Variants in MTHFD1L observed in about 807,000 individuals in gnomAD.
MTHFD1L encodes the protein monofunctional C1-tetrahydrofolate synthase, mitochondrial.
A neutral mutation model predicts 119.5 loss-of-function variants in MTHFD1L; 81 were observed. The observed-to-expected ratio is 0.68, with a 90% confidence interval of 0.57 to 0.82. The LOEUF (loss-of-function observed/expected upper bound fraction) is 0.82. Among genes scored for constraint, MTHFD1L ranks in the 40% least tolerant of loss-of-function variants. The probability of loss-of-function intolerance (pLI) is 0.00; values close to 1 mark genes in which losing one functional copy is unlikely to be tolerated. For synonymous variants in MTHFD1L, 430 were observed against 475.2 expected, an observed-to-expected ratio of 0.90 and a Z score of 1.24; for missense variants, 1,125 against 1,253.4, an observed-to-expected ratio of 0.90 and a Z score of 1.55.
chr6:150,933,387 C>T (rs1279874212), intron 11 of MTHFD1L, among the ~76,000 whole-genome samples: 3 of 151,996 alleles, frequency 2.0e-5, no homozygotes, highest in Non-Finnish European at 4.4e-5. Context: ...ATTGTAATGC[C>T]TGTGGGCTTT....
chr6:150,922,747 G>T (rs535869458), intron 10 of MTHFD1L, among the ~76,000 whole-genome samples: 1 of 148,528 alleles, frequency 6.7e-6, no homozygotes, highest in African/African-American at 2.5e-5. Context: ...AGGTTCAAGC[G>T]ATTCTCCTGC....
intron 8 of MTHFD1L, among the ~76,000 whole-genome samples, chr6:150,909,978 C>T (rs1235040735): frequency 1.3e-5 from 2 of 151,830 alleles, no homozygotes; most frequent in African/African-American, 4.8e-5. Flanking sequence ...GTCAGGAGTT[C>T]GAGACCAGCC....
rs539892064 is a variant in MTHFD1L at position 150,948,041 on chromosome 6, C to G, written c.1624-990C>G. ...TTTTTTTTTGAGACGGAGTTTCACT[C>G]TTGTTGCCCAGGCTGGAGTGCAATG... On this transcript the variant is annotated intron_variant, in intron 15 of 27. Transcript: ENST00000367321. Among the ~76,000 whole-genome samples, 4 of 151,764 alleles carry G rather than the reference C, an allele frequency of 2.6e-5. No homozygotes were observed. The East Asian group carries it at 7.7e-4, about 29-fold the overall frequency.
chr6:151,038,143 G>A (rs1786471104), intron 26 of MTHFD1L, among the ~76,000 whole-genome samples: 1 of 152,162 alleles, frequency 6.6e-6, no homozygotes, highest in Admixed American at 6.5e-5. Context: ...GAGATTTTAG[G>A]ATGAGCAGGT....
chr6:151,007,262 C>T (rs978653166), intron 20 of MTHFD1L, among the ~76,000 whole-genome samples: 5 of 151,940 alleles, frequency 3.3e-5, no homozygotes, highest in South Asian at 2.1e-4. Context: ...CCCAGTGTGC[C>T]GCCCTCCAGC....
At chr6:151,063,141 C>A (rs1790842170) in intron 26 of MTHFD1L, among the ~76,000 whole-genome samples, 1 of 152,172 alleles carries the variant, frequency 6.6e-6, no homozygotes, top group African/African-American at 2.4e-5. Context: ...CCTTGATGCT[C>A]ACTCCAGCCT....
intron 1 of MTHFD1L, among the ~76,000 whole-genome samples, chr6:150,871,405 C>T (rs74763302): frequency 0.093 from 13,961 of 149,944 alleles, 766 homozygotes; most frequent in Middle Eastern, 0.17. Flanking sequence ...AACATTTTAC[C>T]CACAGTAGTA....
intron 7 of MTHFD1L, among the ~76,000 whole-genome samples, chr6:150,904,352 A>G (rs1290815202): frequency 6.6e-6 from 1 of 152,110 alleles, no homozygotes; most frequent in Non-Finnish European, 1.5e-5. Flanking sequence ...CGCAGGAAAG[A>G]CAGTGGGGGA....
intron 24 of MTHFD1L, among the ~76,000 whole-genome samples, chr6:151,021,580 A>G (rs962683149): frequency 2.6e-5 from 4 of 152,100 alleles, no homozygotes; most frequent in Non-Finnish European, 4.4e-5. Flanking sequence ...GTAGTCAATC[A>G]ATGCTGGTTC....
chr6:150,930,624 CTCTGAACACTG>C (rs1790876073), intron 11 of MTHFD1L, among the ~76,000 whole-genome samples: 1 of 151,920 alleles, frequency 6.6e-6, no homozygotes. Context: ...CTGCCTTTTT[CTCTGAACACTG>C]TAACATAAAT....
At chr6:151,040,733 AAC>A (rs1408792544) in intron 26 of MTHFD1L, among the ~76,000 whole-genome samples, 1 of 152,170 alleles carries the variant, frequency 6.6e-6, no homozygotes, top group African/African-American at 2.4e-5. Flanking sequence ...AATAATAAAA[AAC>A]ACAATATAAT....
At chr6:151,056,296 C>T (rs937336228) in intron 26 of MTHFD1L, among the ~76,000 whole-genome samples, 4 of 151,728 alleles carry the variant, frequency 2.6e-5, no homozygotes, top group Non-Finnish European at 5.9e-5. Flanking sequence ...GATTTGGGTA[C>T]ACAGTTTCAC....
intron 25 of MTHFD1L, 38 bp from the exon 26 acceptor site, chr6:151,036,927 T>G: frequency 6.2e-7 from 1 of 1,610,008 alleles, no homozygotes; most frequent in Non-Finnish European, 8.5e-7. Context: ...GAGACTAACA[T>G]CTGTATCAGT....
intron 20 of MTHFD1L, among the ~76,000 whole-genome samples, chr6:150,997,179 A>G (rs955114031): frequency 7.9e-5 from 12 of 152,092 alleles, no homozygotes; most frequent in African/African-American, 2.4e-4. Context: ...CATACTGAGG[A>G]CCAAGACCTG....
chr6:150,994,094 A>AAGAAAGAAAGAAAGAAAG (rs1779482033), intron 20 of MTHFD1L, among the ~76,000 whole-genome samples: 1 of 119,536 alleles, frequency 8.4e-6, no homozygotes, highest in African/African-American at 3.2e-5. Context: ...AGAAAGAAAG[A>AAGAAAGAAAGAAAGAAAG]AAGTGACCCA....
chr6:151,027,366 G>T (rs957324875), intron 24 of MTHFD1L, among the ~76,000 whole-genome samples: 1 of 152,130 alleles, frequency 6.6e-6, no homozygotes, highest in Admixed American at 6.5e-5. Context: ...ATGCCCTGAC[G>T]TCTTGAAAGG....
At chr6:151,056,500 C>T (rs1450379949) in intron 26 of MTHFD1L, among the ~76,000 whole-genome samples, 5 of 152,188 alleles carry the variant, frequency 3.3e-5, no homozygotes, top group Non-Finnish European at 7.3e-5. Context: ...TGCAGTCTGT[C>T]CATTCCTCTG....
intron 20 of MTHFD1L, among the ~76,000 whole-genome samples, chr6:150,993,179 G>GTAA (rs1480511546): frequency 1.4e-4 from 22 of 152,076 alleles, no homozygotes; most frequent in Non-Finnish European, 8.8e-5. Context: ...TCAGGGACAG[G>GTAA]CAACAATTTC....
At chr6:151,054,287 G>A (rs117421251) in intron 26 of MTHFD1L, among the ~76,000 whole-genome samples, 4,888 of 152,260 alleles carry the variant, frequency 0.032, 156 homozygotes, top group Admixed American at 0.099. Context: ...GAGTAATAAA[G>A]TTAAGTTTAT....
Sources: gnomAD v4.1 joint callset for allele counts (sites outside exome capture counted in the v4.1 genomes callset) on GRCh38, gnomAD v4.1.1 for gene constraint, MANE v1.5 for transcripts, NCBI Gene and HGNC (gene_info 2026-07-23, HGNC 2026-07-21) for gene names.